ARHGAP32: variants seen among roughly 807,000 people sequenced by gnomAD.
The protein encoded by ARHGAP32 is rho GTPase-activating protein 32.
A neutral mutation model predicts 186.5 loss-of-function variants in ARHGAP32; 51 were observed. The ratio of observed to expected loss-of-function variants is 0.27; its 90% CI spans 0.22 to 0.35. The LOEUF is 0.35. ARHGAP32 is among the 10% of genes least tolerant of loss of function. The probability of loss-of-function intolerance (pLI) is 1.00; values close to 1 mark genes in which losing one functional copy is unlikely to be tolerated. For synonymous variants in ARHGAP32, 950 were observed against 964.3 expected (o/e 0.99, Z 0.27); for missense variants, 2,186 against 2,623.5 (o/e 0.83, Z 3.64).
At chr11:129,026,418 A>G (rs1938849211) in intron 11 of ARHGAP32, among the ~76,000 whole-genome samples, 1 of 152,146 alleles carries the variant, frequency 6.6e-6, no homozygotes. Context: ...TTGGACTAGG[A>G]TGTATCTTTG....
At chr11:129,208,972 A>C (rs1944548082) in intron 1 of ARHGAP32, among the ~76,000 whole-genome samples, 1 of 152,148 alleles carries the variant, frequency 6.6e-6, no homozygotes. Flanking sequence ...TTAATAACAA[A>C]AACAGTTGTA....
At chr11:129,170,427 A>G (rs887796817) in intron 1 of ARHGAP32, among the ~76,000 whole-genome samples, 4 of 151,800 alleles carry the variant, frequency 2.6e-5, no homozygotes, top group Admixed American at 2.6e-4. Flanking sequence ...GACAACATGC[A>G]GTGTTTGGTT....
At chr11:129,035,962 A>C (rs563500460) in intron 11 of ARHGAP32, among the ~76,000 whole-genome samples, 2 of 152,190 alleles carry the variant, frequency 1.3e-5, no homozygotes, top group East Asian at 1.9e-4. Flanking sequence ...TTTAGAAATA[A>C]CAATGCTATG....
At chr11:129,093,969 G>A (rs1483661675) in intron 5 of ARHGAP32, among the ~76,000 whole-genome samples, 2 of 152,114 alleles carry the variant, frequency 1.3e-5, no homozygotes, top group African/African-American at 2.4e-5. Flanking sequence ...ATGAAACTAA[G>A]CACTGAGAGA....
At chr11:129,014,200 C>T (rs185478176) in intron 11 of ARHGAP32, among the ~76,000 whole-genome samples, 118 of 152,144 alleles carry the variant, frequency 7.8e-4, no homozygotes, top group Non-Finnish European at 1.4e-3. Context: ...CAAACCCTAC[C>T]AGGCCAGTCT....
At chr11:129,225,137 T>C (rs545275297) in intron 1 of ARHGAP32, among the ~76,000 whole-genome samples, 1 of 152,228 alleles carries the variant, frequency 6.6e-6, no homozygotes, top group South Asian at 2.1e-4. Context: ...AGGCAATTAT[T>C]TAATGTTGTG....
In ARHGAP32 at chr11:129,066,883, A is replaced by C; in HGVS notation, c.532-15T>G. 1 of 1,583,854 alleles carries C rather than the reference A, an allele frequency of 6.3e-7. No homozygotes were observed. The highest frequency in any genetic ancestry group is 8.6e-7 in the Non-Finnish European group (1 of 1,161,446). Reference sequence around the variant, plus strand: ...CAACTTTTTCCCTATTGGTAGAAAAAAGAAACTCATATAATTCACCTCTAT... The same window carrying C: ...CAACTTTTTCCCTATTGGTAGAAAACAGAAACTCATATAATTCACCTCTAT... On this transcript the variant is annotated splice_polypyrimidine_tract_variant and intron_variant, in intron 6 of 22. Transcript: ENST00000682385.
At chr11:129,055,490 T>C (rs532793093) in intron 10 of ARHGAP32, among the ~76,000 whole-genome samples, 1 of 152,354 alleles carries the variant, frequency 6.6e-6, no homozygotes, top group African/African-American at 2.4e-5. Flanking sequence ...CATAGATGTT[T>C]ATAGCAGTTT....
chr11:129,148,482 C>T (rs1943218118), intron 2 of ARHGAP32, among the ~76,000 whole-genome samples: 1 of 152,164 alleles, frequency 6.6e-6, no homozygotes, highest in South Asian at 2.1e-4. Flanking sequence ...AGCTCAAGCC[C>T]AGGGAAGCCA....
At chr11:129,233,349 G>A (rs1426034875) in intron 1 of ARHGAP32, among the ~76,000 whole-genome samples, 2 of 152,076 alleles carry the variant, frequency 1.3e-5, no homozygotes, top group Non-Finnish European at 2.9e-5. Flanking sequence ...ATTTACTTTT[G>A]TATATGTTTG....
At chr11:129,190,514 CAG>C (rs1424630741) in intron 1 of ARHGAP32, among the ~76,000 whole-genome samples, 2 of 152,184 alleles carry the variant, frequency 1.3e-5, no homozygotes, top group African/African-American at 4.8e-5. Context: ...CTCAGTTTCT[CAG>C]AGTGAAAATG....
chr11:129,126,262 G>A (rs73581225), intron 2 of ARHGAP32, among the ~76,000 whole-genome samples: 113 of 152,274 alleles, frequency 7.4e-4, no homozygotes, highest in African/African-American at 2.4e-3. Context: ...TGCTATTGCA[G>A]TGTAAAAGTA....
chr11:129,063,089 G>A, intron 9 of ARHGAP32, among the ~76,000 whole-genome samples: 2 of 134,594 alleles, frequency 1.5e-5, no homozygotes, highest in Non-Finnish European at 3.4e-5. Context: ...ATAAAACATA[G>A]TTAAGAACTT....
intron 1 of ARHGAP32, among the ~76,000 whole-genome samples, chr11:129,187,256 G>A (rs1410689853): frequency 3.9e-5 from 6 of 152,234 alleles, no homozygotes; most frequent in Admixed American, 6.5e-5. Flanking sequence ...AGTGAAATAA[G>A]CCAGGCACGG....
intron 3 of ARHGAP32, among the ~76,000 whole-genome samples, chr11:129,124,329 G>A (rs1240035647): frequency 6.6e-6 from 1 of 152,068 alleles, no homozygotes; most frequent in Non-Finnish European, 1.5e-5. Flanking sequence ...CTGCCATGTT[G>A]GCACTCAAAA....
intron 1 of ARHGAP32, among the ~76,000 whole-genome samples, chr11:129,172,930 GA>G (rs1488132499): frequency 5.6e-5 from 8 of 143,050 alleles, no homozygotes; most frequent in Admixed American, 4.2e-4. Flanking sequence ...CAAAGCACAA[GA>G]AATAACTAAG....
chr11:129,069,425 G>A (rs1439593787), intron 6 of ARHGAP32, among the ~76,000 whole-genome samples: 1 of 152,024 alleles, frequency 6.6e-6, no homozygotes, highest in Non-Finnish European at 1.5e-5. Flanking sequence ...CCTACCAAAA[G>A]TAGAAAACAA....
chr11:129,088,884 C>T (rs550385838), intron 6 of ARHGAP32, among the ~76,000 whole-genome samples: 2 of 149,536 alleles, frequency 1.3e-5, no homozygotes, highest in South Asian at 2.1e-4. Context: ...ACAAAAAGTA[C>T]GAAATTAGCC....
intron 11 of ARHGAP32, among the ~76,000 whole-genome samples, chr11:129,016,925 G>A (rs987176053): frequency 6.6e-6 from 1 of 152,012 alleles, no homozygotes; most frequent in African/African-American, 2.4e-5. Context: ...AAAGTCTTAC[G>A]AACTTTTGTT....
Sources: gnomAD v4.1 joint callset for allele counts (sites outside exome capture counted in the v4.1 genomes callset) on GRCh38, gnomAD v4.1.1 for gene constraint, MANE v1.5 for transcripts, NCBI Gene and HGNC (gene_info 2026-07-23, HGNC 2026-07-21) for gene names.